The following ZNF2 variants were observed in gnomAD, a reference collection of about 807,000 sequenced individuals.
ZNF2 encodes the protein zinc finger protein 2.
ZNF2 carries 12 observed loss-of-function variants against 21.9 expected under a neutral mutation model. That is an observed-to-expected ratio of 0.55 (90% CI 0.35 to 0.89). ZNF2 has a LOEUF of 0.89. Among genes scored for constraint, ZNF2 ranks in the 40% least tolerant of loss-of-function variants. ZNF2 has a pLI of 0.01. For missense variants in ZNF2, 462 were observed against 544.2 expected, an observed-to-expected ratio of 0.85 and a Z score of 1.50; for synonymous variants, 186 against 196.3, an observed-to-expected ratio of 0.95 and a Z score of 0.44.
At chr2:95,173,472 C>T (rs1259832897) in intron 1 of ZNF2, among the ~76,000 whole-genome samples, 1 of 152,278 alleles carries the variant, frequency 6.6e-6, no homozygotes, top group East Asian at 1.9e-4. Flanking sequence ...ATGTGGCTAT[C>T]TTTTCATGAA....
chr2:95,170,717 A>T (rs961616270), intron 1 of ZNF2, among the ~76,000 whole-genome samples: 1 of 152,206 alleles, frequency 6.6e-6, no homozygotes, highest in Admixed American at 6.5e-5. Flanking sequence ...CTGTAGGGAG[A>T]CATATCCTAA....
Position 95,181,580 on chromosome 2 carries a change from A to T in ZNF2, c.752A>T (p.His251Leu). 6.2e-7 allele frequency: 1 copy of T among 1,614,180 alleles called. No homozygotes were observed. Among genetic ancestry groups the T allele is most frequent in the Non-Finnish European group, 8.5e-7 (1 of 1,180,030 alleles). Residue 251 changes from histidine to leucine, a missense_variant, in exon 5 of 5, where the codon CAC (histidine) becomes CTC (leucine). His to Leu is a moderately conservative substitution (Grantham distance 99). Transcript: ENST00000614034. ...TCCCTAACTGTCCATCAGCGAATTC[A>T]CACTGGAGAGAAACCCTTTCAGTGC... ...RSSLTVHQRI[H>L]TGEKPFQCNE...
At chr2:95,171,310 G>A (rs188532522) in intron 1 of ZNF2, among the ~76,000 whole-genome samples, 3 of 151,696 alleles carry the variant, frequency 2.0e-5, no homozygotes, top group East Asian at 1.9e-4. Flanking sequence ...TTGGTAACCC[G>A]GGCGTCATCT....
At chr2:95,181,040 T>C in intron 4 of ZNF2, 63 bp from the exon 5 acceptor site, 1 of 1,557,096 alleles carries the variant, frequency 6.4e-7, no homozygotes, top group Non-Finnish European at 8.7e-7. Flanking sequence ...TCGGAGCATC[T>C]CTTCTTTCTG....
chr2:95,166,873 T>C (rs1674064509), intron 1 of ZNF2, among the ~76,000 whole-genome samples: 1 of 152,178 alleles, frequency 6.6e-6, no homozygotes, highest in African/African-American at 2.4e-5. Context: ...ACGCCTGATT[T>C]AAGGTTTGCA....
At chr2:95,176,385 A>C in intron 2 of ZNF2, 126 bp downstream of exon 2, 1 of 1,121,080 alleles carries the variant, frequency 8.9e-7, no homozygotes, top group African/African-American at 1.6e-5. Context: ...CACAGGGAGT[A>C]TTTCTTTCCT....
At chr2:95,172,947 GT>G (rs559249846) in intron 1 of ZNF2, among the ~76,000 whole-genome samples, 4 of 150,512 alleles carry the variant, frequency 2.7e-5, no homozygotes, top group South Asian at 4.2e-4. Context: ...GTTCTTTGTG[GT>G]TTTTTTTCAG....
chr2:95,168,290 T>C (rs1001410772), intron 1 of ZNF2, among the ~76,000 whole-genome samples: 9 of 152,102 alleles, frequency 5.9e-5, no homozygotes, highest in African/African-American at 2.2e-4. Context: ...CTGGGCATGG[T>C]GGCCCGCGCC....
Position 95,183,858 on chromosome 2 carries a change from G to A in ZNF2, c.*1752G>A, listed in dbSNP as rs1674772867. The A allele has an allele frequency of 6.6e-6, 1 of 151,964 alleles. No homozygotes were observed. The highest frequency in any genetic ancestry group is 2.1e-4 in the South Asian group (1 of 4,814). 9.4% of individuals were successfully genotyped at this position (151,964 alleles called of 1,614,324 possible). A position where few individuals can be genotyped will look rare whatever the true frequency, so the allele number is the denominator to read the frequency against. On this transcript the variant is annotated 3_prime_UTR_variant, in exon 5 of 5. Coordinates refer to ENST00000614034, the MANE Select transcript of ZNF2 (RefSeq NM_021088.4). ...GATGGTCTCAATCTCCTGACCTCGT[G>A]ATCCGCCCGCCTCGGCCTCCCAAAG...
intron 3 of ZNF2, among the ~76,000 whole-genome samples, chr2:95,178,346 A>T (rs1341034739): frequency 2.0e-5 from 3 of 152,190 alleles, no homozygotes; most frequent in Non-Finnish European, 2.9e-5. Context: ...CAGATTTCCT[A>T]CGAGGCAGGT....
intron 1 of ZNF2, among the ~76,000 whole-genome samples, chr2:95,171,201 C>T (rs773336840): frequency 6.6e-5 from 10 of 151,956 alleles, no homozygotes; most frequent in African/African-American, 1.9e-4. Context: ...GATGTGGGGT[C>T]GGCTCAAATT....
At chr2:95,169,563 C>T (rs1306176241) in intron 1 of ZNF2, among the ~76,000 whole-genome samples, 3 of 152,018 alleles carry the variant, frequency 2.0e-5, no homozygotes, top group Admixed American at 6.6e-5. Flanking sequence ...AAGACCCGCC[C>T]GGCCAAGATG....
At chr2:95,170,837 A>C (rs927297249) in intron 1 of ZNF2, among the ~76,000 whole-genome samples, 11 of 152,206 alleles carry the variant, frequency 7.2e-5, no homozygotes, top group Non-Finnish European at 1.3e-4. Context: ...GTGTGGCCCC[A>C]GTACTGATTA....
In ZNF2 at chr2:95,181,633, C is replaced by T. The variant is rs761607371; in HGVS notation, c.805C>T (p.Arg269Cys). The T allele has an allele frequency of 1.1e-5, 18 of 1,614,038 alleles. No homozygotes were observed. Among genetic ancestry groups the T allele is most frequent in the Middle Eastern group, 3.3e-4 (2 of 6,084 alleles). ...CNECGKAFFD[R>C]SSLTRHQRIH... The stretch of plus-strand genomic sequence containing the variant: ...CGAGTGTGGAAAAGCCTTTTTTGAC[C>T]GTTCATCCCTTACTCGACACCAGAG... Residue 269 changes from arginine (R) to cysteine (C), a missense_variant, in exon 5 of 5, where the codon CGT becomes TGT. Coordinates refer to ENST00000614034, the MANE Select transcript of ZNF2 (RefSeq NM_021088.4).
intron 3 of ZNF2, among the ~76,000 whole-genome samples, chr2:95,178,382 A>G (rs1674520284): frequency 1.3e-5 from 2 of 152,180 alleles, no homozygotes; most frequent in Non-Finnish European, 2.9e-5. Flanking sequence ...AACACCCCCC[A>G]GATTAACTTA....
In ZNF2 at chr2:95,181,311, C is replaced by A. The variant is rs371994815; in HGVS notation, c.483C>A (p.Ala161=). The A allele has an allele frequency of 6.2e-7, 1 of 1,614,094 alleles. No homozygotes were observed. The highest frequency in any genetic ancestry group is 8.5e-7 in the Non-Finnish European group (1 of 1,180,038). The change falls in exon 5 of 5, where the codon GCC becomes GCA. Residue 161 remains alanine (A), a synonymous_variant. Coordinates refer to ENST00000614034, the MANE Select transcript of ZNF2 (RefSeq NM_021088.4). ...ACAAAGGCTTGCGGCGACGGTCAGC[C>A]CTGTCCAGGGAAATTCTCACTAAAG... The part of the protein sequence containing the change: ...SRDKGLRRRS[A]LSREILTKER...
At position 95,184,147 on chromosome 2, in the gene ZNF2, A is replaced by G. The variant is rs1267174061; in HGVS notation, c.*2041A>G. 1 of 152,170 alleles carries G rather than the reference A, an allele frequency of 6.6e-6. No homozygotes were observed. The highest frequency in any genetic ancestry group is 1.5e-5 in the Non-Finnish European group (1 of 68,028). The allele number at this position is 152,170 out of a possible 1,614,324, so 9.4% of individuals were successfully genotyped here. A position where few individuals can be genotyped will look rare whatever the true frequency, so the allele number is the denominator to read the frequency against. Reference sequence around the variant, plus strand: ...CCAAACAGACCCTCCCCAACCTACTAACGACCCTATTACTCTGTTCACCCT... The same window carrying G: ...CCAAACAGACCCTCCCCAACCTACTGACGACCCTATTACTCTGTTCACCCT... On this transcript the variant is annotated 3_prime_UTR_variant, in exon 5 of 5. Transcript: ENST00000614034.
At chr2:95,180,719 A>G (rs769219088) in intron 4 of ZNF2, among the ~76,000 whole-genome samples, 4 of 152,150 alleles carry the variant, frequency 2.6e-5, no homozygotes, top group Non-Finnish European at 5.9e-5. Context: ...CATGATGGCC[A>G]TGCTGGTCTC....
Position 95,176,251 on chromosome 2 carries a change from A to G in ZNF2, c.25A>G (p.Arg9Gly), listed in dbSNP as rs1674440610. 1 of 1,614,194 alleles carries G rather than the reference A, an allele frequency of 6.2e-7. No homozygotes were observed. The highest frequency in any genetic ancestry group is 8.5e-7 in the Non-Finnish European group (1 of 1,180,042). The part of the protein sequence containing the change: MAAVSPTT[R>G]CQESVTFEDV... Reference sequence around the variant, plus strand: ...AATGGCTGCTGTGTCTCCGACCACCAGATGCCAGGTGAGGTGGACTTTTGT... The same window carrying G: ...AATGGCTGCTGTGTCTCCGACCACCGGATGCCAGGTGAGGTGGACTTTTGT... The change falls in exon 2 of 5, where the codon AGA becomes GGA. Residue 9 changes from arginine to glycine, a missense_variant. Transcript: ENST00000614034.
Sources: allele counts gnomAD v4.1 joint callset (sites outside exome capture counted in the v4.1 genomes callset), GRCh38; gene constraint gnomAD v4.1.1; transcripts MANE v1.5; gene names NCBI Gene and HGNC (gene_info 2026-07-23, HGNC 2026-07-21).